CD300LD: variants seen among roughly 807,000 people sequenced by gnomAD.
CD300LD encodes CMRF35-like molecule 5.
In CD300LD, 18 loss-of-function variants were observed where a neutral mutation model predicts 20.3. That is an observed-to-expected ratio of 0.89 (90% CI 0.61 to 1.32). The LOEUF (loss-of-function observed/expected upper bound fraction) is 1.32. CD300LD is among the 40% of genes most tolerant of loss of function. The probability of loss-of-function intolerance (pLI) is 0.00; values close to 1 mark genes in which losing one functional copy is unlikely to be tolerated. For synonymous variants in CD300LD, 104 were observed against 90.1 expected (o/e 1.15, Z -0.87); for missense variants, 195 against 226.6 (o/e 0.86, Z 0.90).
At chr17:74,588,423 A>G in intron 2 of CD300LD, 88 bp downstream of exon 2, 1 of 816,466 alleles carries the variant, frequency 1.2e-6, no homozygotes, top group Non-Finnish European at 2.0e-6. Flanking sequence ...GGTCACTCTG[A>G]GTGACAGTTA....
intron 2 of CD300LD, among the ~76,000 whole-genome samples, chr17:74,583,907 A>G (rs1355231189): frequency 6.6e-6 from 1 of 151,910 alleles, no homozygotes; most frequent in Non-Finnish European, 1.5e-5. Flanking sequence ...TAGTGCCACC[A>G]TAGCCAGCTA....
chr17:74,584,403 AGTATAGCACTG>A (rs1165864199), intron 2 of CD300LD, among the ~76,000 whole-genome samples: 1 of 152,224 alleles, frequency 6.6e-6, no homozygotes, highest in Non-Finnish European at 1.5e-5. Context: ...TGACCAACAC[AGTATAGCACTG>A]GAGGCTATAT....
chr17:74,581,379 G>T (rs755848761), intron 3 of CD300LD, among the ~76,000 whole-genome samples: 1 of 152,150 alleles, frequency 6.6e-6, no homozygotes, highest in Non-Finnish European at 1.5e-5. Context: ...GGAGCAGGAC[G>T]GTCTGTGGTT....
intron 1 of CD300LD, among the ~76,000 whole-genome samples, chr17:74,591,721 G>A (rs879797646): frequency 4.6e-5 from 7 of 150,642 alleles, no homozygotes; most frequent in Non-Finnish European, 1.0e-4. Context: ...GAAAAAGAAT[G>A]AAGCTTTGAT....
At chr17:74,587,646 G>A (rs747832489) in intron 2 of CD300LD, among the ~76,000 whole-genome samples, 38 of 151,460 alleles carry the variant, frequency 2.5e-4, no homozygotes, top group Non-Finnish European at 4.4e-4. Flanking sequence ...TTTTTCCCTA[G>A]TATCTTGAGC....
intron 2 of CD300LD, among the ~76,000 whole-genome samples, chr17:74,586,410 C>G (rs1476506193): frequency 6.6e-6 from 1 of 152,120 alleles, no homozygotes; most frequent in Non-Finnish European, 1.5e-5. Context: ...TGCAGCCCCC[C>G]ACCCCAGAAA....
rs191052944 is a variant in CD300LD, at chr17:74,581,225, T to G, written c.473+993A>C. ...CTAAAGCCAGCTCCGTGGGTGGAGCTCTGCAGATGCATTCTCAGAACTCAA... is the reference window on the plus strand; with the variant it reads ...CTAAAGCCAGCTCCGTGGGTGGAGCGCTGCAGATGCATTCTCAGAACTCAA... On this transcript the variant is annotated intron_variant, in intron 3 of 3. Coordinates refer to ENST00000375352, the MANE Select transcript of CD300LD (RefSeq NM_001115152.2). Among the ~76,000 whole-genome samples the G allele has an allele frequency of 4.0e-5, 6 of 150,694 alleles. 1 individual carries two copies. The highest frequency in any genetic ancestry group is 4.0e-4 in the Admixed American group (6 of 15,180).
chr17:74,585,227 C>G (rs1290821432), intron 2 of CD300LD, among the ~76,000 whole-genome samples: 1 of 152,126 alleles, frequency 6.6e-6, no homozygotes, highest in African/African-American at 2.4e-5. Context: ...AGAGTAGGAC[C>G]AGGATTAAAA....
At chr17:74,583,372 G>T (rs1483989331) in intron 2 of CD300LD, among the ~76,000 whole-genome samples, 1 of 152,220 alleles carries the variant, frequency 6.6e-6, no homozygotes, top group African/African-American at 2.4e-5. Flanking sequence ...AGGCATGCGA[G>T]CACAGAGGGG....
chr17:74,586,100 G>A (rs181994896), intron 2 of CD300LD, among the ~76,000 whole-genome samples: 111 of 152,220 alleles, frequency 7.3e-4, no homozygotes, highest in Non-Finnish European at 7.4e-4. Flanking sequence ...CTCATACTGC[G>A]GCTACAGAAA....
At chr17:74,580,765 G>A (rs182065903) in intron 3 of CD300LD, among the ~76,000 whole-genome samples, 11 of 152,016 alleles carry the variant, frequency 7.2e-5, no homozygotes, top group Admixed American at 3.3e-4. Context: ...CTCAGCTCAC[G>A]GATAAATTTT....
At chr17:74,591,262 A>AATAATAATAATAATAAT (rs1555650248) in intron 1 of CD300LD, among the ~76,000 whole-genome samples, 6 of 114,118 alleles carry the variant, frequency 5.3e-5, no homozygotes, top group African/African-American at 2.9e-4. Context: ...AAAAAAAAAA[A>AATAATAATAATAATAAT]AATAAAAATA....
chr17:74,585,802 A>T (rs1568022631), intron 2 of CD300LD, among the ~76,000 whole-genome samples: 1 of 152,338 alleles, frequency 6.6e-6, no homozygotes, highest in East Asian at 1.9e-4. Context: ...CCTGACATGG[A>T]ATTTAAATTG....
At chr17:74,590,196 C>T (rs2030273135) in intron 1 of CD300LD, among the ~76,000 whole-genome samples, 1 of 152,268 alleles carries the variant, frequency 6.6e-6, no homozygotes, top group South Asian at 2.1e-4. Flanking sequence ...AAACCTCTTT[C>T]ACTTGGCTCT....
rs1306063101 is a variant in CD300LD, at chr17:74,579,909, G to GA, written c.*92dup. 6 of 719,644 alleles carry GA rather than the reference G, an allele frequency of 8.3e-6. No individual in the cohort carries two copies. The highest frequency in any genetic ancestry group is 1.4e-5 in the Non-Finnish European group (6 of 420,552). The allele number at this position is 719,644 out of a possible 1,614,324, so 44.6% of individuals were successfully genotyped here. A position where few individuals can be genotyped will look rare whatever the true frequency, so the allele number is the denominator to read the frequency against. ...CTAGAAAGAAAAAAAGAAGAGAAAA[G>GA]AAAATGTTTTTTCTTCTGTGGGAGG... On this transcript the variant is annotated 3_prime_UTR_variant, in exon 4 of 4. Coordinates refer to ENST00000375352, the MANE Select transcript of CD300LD (RefSeq NM_001115152.2).
In CD300LD at chr17:74,581,411, G is replaced by A. The variant is rs1468445414; in HGVS notation, c.473+807C>T. Among the ~76,000 whole-genome samples the A allele has an allele frequency of 7.9e-5, 12 of 152,310 alleles. No individual in the cohort carries two copies. In the Middle Eastern group the frequency reaches 0.01, roughly 130 times the overall value. ...GGTTTGGGCTCTGGCCTTGACCTGG[G>A]GGGCTTGACCACAGCAGGCCGTGAT... On this transcript the variant is annotated intron_variant, in intron 3 of 3. Coordinates refer to ENST00000375352, the MANE Select transcript of CD300LD (RefSeq NM_001115152.2).
At chr17:74,589,038 CA>C (rs2030242925) in intron 1 of CD300LD, among the ~76,000 whole-genome samples, 189 bp from the exon 2 acceptor site, 1 of 152,222 alleles carries the variant, frequency 6.6e-6, no homozygotes, top group African/African-American at 2.4e-5. Context: ...CACTGAAGAG[CA>C]CAACTGCAGA....
Position 74,582,733 on chromosome 17 carries a change from G to A in CD300LD, c.380-422C>T, listed in dbSNP as rs185310649. 7.7e-3 allele frequency among the ~76,000 whole-genome samples: 1,168 copies of A among 151,928 alleles called. 13 individuals are homozygous for A. The highest frequency in any genetic ancestry group is 0.027 in the African/African-American group (1,111 of 41,414). On this transcript the variant is annotated intron_variant, in intron 2 of 3. Transcript: ENST00000375352. ...CGGATTCCTGGCTCTCTGCAGCCAG[G>A]CCCAGCGCCCTCCACCTCCGCTCTT...
rs2029993457 is a variant in CD300LD at position 74,579,816 on chromosome 17, G to A, written c.*186C>T. Reference sequence around the variant, plus strand: ...AGGAGGATCGCTTGAGCCTGGGAGGGGAAAGTTGCAGTGAGCAGAGATTAC... The same window carrying A: ...AGGAGGATCGCTTGAGCCTGGGAGGAGAAAGTTGCAGTGAGCAGAGATTAC... On this transcript the variant is annotated 3_prime_UTR_variant, in exon 4 of 4. Coordinates refer to ENST00000375352, the MANE Select transcript of CD300LD (RefSeq NM_001115152.2). 5.2e-6 allele frequency: 2 copies of A among 385,894 alleles called. No homozygotes were observed. Among genetic ancestry groups the A allele is most frequent in the Admixed American group, 3.7e-5 (1 of 26,668 alleles). The allele number at this position is 385,894 out of a possible 1,614,324, so 23.9% of individuals were successfully genotyped here. A position where few individuals can be genotyped will look rare whatever the true frequency, so the allele number is the denominator to read the frequency against.
Sources: allele counts gnomAD v4.1 joint callset (sites outside exome capture counted in the v4.1 genomes callset), GRCh38; gene constraint gnomAD v4.1.1; transcripts MANE v1.5; gene names NCBI Gene and HGNC (gene_info 2026-07-23, HGNC 2026-07-21).